Variants in MTREX observed in about 807,000 individuals in gnomAD.
The protein encoded by MTREX is exosome RNA helicase MTR4.
Under a neutral mutation model 135.4 loss-of-function variants are expected in MTREX, and 76 were observed. The ratio of observed to expected loss-of-function variants is 0.56; its 90% CI spans 0.47 to 0.68. MTREX has a LOEUF of 0.68. Among genes scored for constraint, MTREX ranks in the 30% least tolerant of loss-of-function variants. MTREX has a pLI of 0.00. For missense variants in MTREX, 920 were observed against 1,262.1 expected, an observed-to-expected ratio of 0.73 and a Z score of 4.11; for synonymous variants, 404 against 401.6, an observed-to-expected ratio of 1.01 and a Z score of -0.07.
At chr5:55,376,272 A>G (rs898325321) in intron 16 of MTREX, among the ~76,000 whole-genome samples, 1 of 152,264 alleles carries the variant, frequency 6.6e-6, no homozygotes, top group Non-Finnish European at 1.5e-5. Context: ...TCATATAGGA[A>G]TATGGGGTGA....
At position 55,324,199 on chromosome 5, in the gene MTREX, G is replaced by C; in HGVS notation, c.339+1G>C. The C allele has an allele frequency of 6.2e-7, 1 of 1,605,374 alleles. No individual in the cohort carries two copies. The highest frequency in any genetic ancestry group is 8.5e-7 in the Non-Finnish European group (1 of 1,174,612). Reference sequence around the variant, plus strand: ...AACTGTTGAAGGGTGTACACATGAGGTAAGCACAAACAGCATACAGAAGGT... The same window carrying C: ...AACTGTTGAAGGGTGTACACATGAGCTAAGCACAAACAGCATACAGAAGGT... On this transcript the variant is annotated splice_donor_variant, in intron 3 of 26. Transcript: ENST00000230640. LOFTEE classifies it high-confidence loss of function.
chr5:55,364,261 ATTAAC>A (rs1750059841), intron 15 of MTREX, among the ~76,000 whole-genome samples: 1 of 152,236 alleles, frequency 6.6e-6, no homozygotes, highest in Non-Finnish European at 1.5e-5. Context: ...ACATAAGCTT[ATTAAC>A]TTGATTGCTA....
intron 16 of MTREX, among the ~76,000 whole-genome samples, chr5:55,370,266 C>T (rs1750174806): frequency 6.6e-6 from 1 of 152,126 alleles, no homozygotes; most frequent in Admixed American, 6.6e-5. Flanking sequence ...CCTCTTTTGT[C>T]TCTAGAGCAC....
chr5:55,349,006 T>C (rs1019091463), intron 11 of MTREX, among the ~76,000 whole-genome samples: 6 of 152,186 alleles, frequency 3.9e-5, no homozygotes, highest in Non-Finnish European at 5.9e-5. Flanking sequence ...AAATGTTGTA[T>C]GTAAAGCACC....
intron 18 of MTREX, among the ~76,000 whole-genome samples, chr5:55,379,762 A>G (rs977532490): frequency 1.3e-5 from 2 of 152,160 alleles, no homozygotes; most frequent in Non-Finnish European, 2.9e-5. Context: ...TGAGTGCTAA[A>G]TACAGTGGTT....
chr5:55,321,670 G>A lies in MTREX; in HGVS notation c.135-657G>A, dbSNP rs570206118. On this transcript the variant is annotated intron_variant, in intron 1 of 26. Transcript: ENST00000230640. ...GTCTCCTAGGCTGGAGTGCAGTGGC[G>A]TGATCTCAGCTTACTGCAGCATCTG... 3.4e-5 allele frequency among the ~76,000 whole-genome samples: 5 copies of A among 146,728 alleles called. No homozygotes were observed. The East Asian group carries it at 1.0e-3, about 30-fold the overall frequency.
chr5:55,328,841 G>C (rs1228257517), intron 5 of MTREX, 30 bp downstream of exon 5: 1 of 1,400,672 alleles, frequency 7.1e-7, no homozygotes, highest in African/African-American at 1.4e-5. Flanking sequence ...AAGTCACTTT[G>C]TTTCTTATTT....
Position 55,383,925 on chromosome 5 carries a change from A to G in MTREX, c.2053-4049A>G, listed in dbSNP as rs561831047. Among the ~76,000 whole-genome samples, 243 of 152,254 alleles carry G rather than the reference A, an allele frequency of 1.6e-3. 3 individuals are homozygous for G. Among genetic ancestry groups the G allele is most frequent in the Non-Finnish European group, 3.1e-3 (209 of 68,008 alleles). ...GCTGGGACTACAGGTGTGCACCACCATGCCTGGCTAACTTTAAACAATTTT... is the reference window on the plus strand; with the variant it reads ...GCTGGGACTACAGGTGTGCACCACCGTGCCTGGCTAACTTTAAACAATTTT... On this transcript the variant is annotated intron_variant, in intron 18 of 26. Transcript: ENST00000230640.
intron 23 of MTREX, among the ~76,000 whole-genome samples, chr5:55,413,415 T>G (rs1172492662): frequency 1.8e-5 from 1 of 56,908 alleles, no homozygotes; most frequent in Non-Finnish European, 4.2e-5. Flanking sequence ...CTTATAGTAA[T>G]TTTATTTTTG....
chr5:55,399,248 G>A (rs1750687848), intron 20 of MTREX, among the ~76,000 whole-genome samples: 1 of 152,130 alleles, frequency 6.6e-6, no homozygotes, highest in Admixed American at 6.5e-5. Flanking sequence ...GACATAATGT[G>A]CAAATGTCTT....
Position 55,341,708 on chromosome 5 carries a change from T to G in MTREX, c.718T>G (p.Ser240Ala). ...EILRSMLYRG[S>A]EVMREVAWVI... is the part of the protein sequence containing the mutation. ...TTTGAGAAGTATGCTTTACAGAGGT[T>G]CCGAAGTTATGAGAGAAGTTGCTTG... Residue 240 changes from serine (S) to alanine (A), a missense_variant, in exon 7 of 27, where the codon TCC (serine) becomes GCC (alanine). Ser to Ala is a moderately conservative substitution (Grantham distance 99, BLOSUM62 1). Transcript: ENST00000230640. 1.3e-6 allele frequency: 2 copies of G among 1,595,998 alleles called. No homozygotes were observed. The highest frequency in any genetic ancestry group is 1.7e-6 in the Non-Finnish European group (2 of 1,166,452).
At chr5:55,379,220 A>G in intron 18 of MTREX, 25 bp downstream of exon 18, 3 of 1,330,722 alleles carry the variant, frequency 2.3e-6, no homozygotes, top group Non-Finnish European at 3.2e-6. Flanking sequence ...TTAAATTAGA[A>G]TTGTATATCA....
At chr5:55,324,867 A>C (rs1208098890) in intron 3 of MTREX, among the ~76,000 whole-genome samples, 1 of 152,196 alleles carries the variant, frequency 6.6e-6, no homozygotes, top group African/African-American at 2.4e-5. Flanking sequence ...GAAGTAAATT[A>C]GGTAAAGTAC....
chr5:55,366,703 T>C, intron 15 of MTREX, 22 bp from the exon 16 acceptor site: 1 of 1,509,608 alleles, frequency 6.6e-7, no homozygotes, highest in Non-Finnish European at 8.9e-7. Context: ...ACTACAAAAT[T>C]GACATTTTTT....
chr5:55,371,708 T>G (rs78286418), intron 16 of MTREX, among the ~76,000 whole-genome samples: 1 of 152,146 alleles, frequency 6.6e-6, no homozygotes, highest in South Asian at 2.1e-4. Context: ...GTTTTCTAAT[T>G]TGTTACATGT....
intron 1 of MTREX, among the ~76,000 whole-genome samples, chr5:55,313,564 CT>C (rs1561182994): frequency 2.0e-5 from 3 of 152,196 alleles, no homozygotes. Context: ...AATTGTGGTT[CT>C]TTTTGCCCTC....
At chr5:55,345,324 G>A in intron 10 of MTREX, 128 bp downstream of exon 10, 1 of 650,572 alleles carries the variant, frequency 1.5e-6, no homozygotes. Flanking sequence ...GATAAAATTG[G>A]ATAAATATTT....
chr5:55,324,216 A>T lies in MTREX; in HGVS notation c.339+18A>T, dbSNP rs1182624598. On this transcript the variant is annotated intron_variant, in intron 3 of 26. Coordinates refer to ENST00000230640, the MANE Select transcript of MTREX (RefSeq NM_015360.5). Reference sequence around the variant, plus strand: ...CACATGAGGTAAGCACAAACAGCATACAGAAGGTTAGTGTTACAAATGGGA... The same window carrying T: ...CACATGAGGTAAGCACAAACAGCATTCAGAAGGTTAGTGTTACAAATGGGA... 1.9e-6 allele frequency: 3 copies of T among 1,580,382 alleles called. No homozygotes were observed. Among genetic ancestry groups the T allele is most frequent in the Non-Finnish European group, 2.6e-6 (3 of 1,153,704 alleles).
intron 16 of MTREX, among the ~76,000 whole-genome samples, chr5:55,368,456 A>G (rs1454707415): frequency 3.3e-5 from 5 of 152,224 alleles, no homozygotes; most frequent in African/African-American, 1.2e-4. Flanking sequence ...TCTCAAAAAA[A>G]GAACAAAAAG....
Sources: allele counts gnomAD v4.1 joint callset (sites outside exome capture counted in the v4.1 genomes callset), GRCh38; gene constraint gnomAD v4.1.1; transcripts MANE v1.5; gene names NCBI Gene and HGNC (gene_info 2026-07-23, HGNC 2026-07-21).